The following LY96 variants were observed in gnomAD, a reference collection of about 807,000 sequenced individuals.
LY96 encodes the protein myeloid differentiation protein-2.
LY96 carries 18 observed loss-of-function variants against 18.9 expected under a neutral mutation model. That is an observed-to-expected ratio of 0.95 (90% CI 0.66 to 1.41). LY96 has a LOEUF of 1.41. Among genes scored for constraint, LY96 ranks in the 40% most tolerant of loss-of-function variants. The pLI is 0.00. For missense variants in LY96, 175 were observed against 182.4 expected, an observed-to-expected ratio of 0.96 and a Z score of 0.23; for synonymous variants, 66 against 62.6, an observed-to-expected ratio of 1.06 and a Z score of -0.26.
intron 3 of LY96, among the ~76,000 whole-genome samples, chr8:74,020,264 A>G (rs1416293250): frequency 6.6e-6 from 1 of 152,218 alleles, no homozygotes; most frequent in Non-Finnish European, 1.5e-5. Context: ...AAGCATTCCT[A>G]TACACCAATA....
the LY96 span, among the ~76,000 whole-genome samples, chr8:74,082,494 C>T: frequency 1.3e-5 from 2 of 152,128 alleles, no homozygotes; most frequent in Non-Finnish European, 2.9e-5. Flanking sequence ...GTTATTTAAA[C>T]ACTTTTCTGA....
chr8:74,078,416 A>G, the LY96 span, among the ~76,000 whole-genome samples: 2 of 152,218 alleles, frequency 1.3e-5, no homozygotes, highest in African/African-American at 4.8e-5. Context: ...ACACAGTGTC[A>G]GGTCCTTTAC....
At chr8:74,085,103 G>C in the LY96 span, among the ~76,000 whole-genome samples, 6,791 of 152,272 alleles carry the variant, frequency 0.045, 277 homozygotes, top group African/African-American at 0.11. Context: ...TTTGTATGCA[G>C]CTACTATTAT....
At chr8:74,003,492 C>T (rs946769182) in intron 1 of LY96, among the ~76,000 whole-genome samples, 1 of 152,206 alleles carries the variant, frequency 6.6e-6, no homozygotes, top group Non-Finnish European at 1.5e-5. Context: ...TCAAAAGAGC[C>T]TTGCACTGGT....
intron 3 of LY96, among the ~76,000 whole-genome samples, chr8:74,019,881 T>G (rs1816723829): frequency 1.3e-5 from 2 of 152,158 alleles, no homozygotes; most frequent in Non-Finnish European, 2.9e-5. Flanking sequence ...CCTTTCATGC[T>G]AAAAACTCTC....
chr8:74,002,423 T>C (rs1022420580), intron 1 of LY96, among the ~76,000 whole-genome samples: 32 of 151,986 alleles, frequency 2.1e-4, no homozygotes, highest in Non-Finnish European at 4.0e-4. Flanking sequence ...ATTTTTTCCT[T>C]TTGCTCTTCT....
At chr8:74,096,103 A>G in the LY96 span, among the ~76,000 whole-genome samples, 129 of 152,264 alleles carry the variant, frequency 8.5e-4, no homozygotes, top group Non-Finnish European at 1.6e-3. Flanking sequence ...AAACCCTAAT[A>G]TCTGGAATCT....
chr8:74,070,326 C>G, the LY96 span, among the ~76,000 whole-genome samples: 1 of 151,698 alleles, frequency 6.6e-6, no homozygotes, highest in Non-Finnish European at 1.5e-5. Context: ...CTCCTGACCT[C>G]GTGATCCGCC....
chr8:74,016,435 G>A, intron 3 of LY96, among the ~76,000 whole-genome samples: 1 of 152,212 alleles, frequency 6.6e-6, no homozygotes, highest in East Asian at 1.9e-4. Flanking sequence ...TGGGGGCAGG[G>A]TATAGCTGAA....
At chr8:74,042,590 C>G in the LY96 span, among the ~76,000 whole-genome samples, 2 of 152,086 alleles carry the variant, frequency 1.3e-5, no homozygotes, top group Non-Finnish European at 2.9e-5. Flanking sequence ...TCTTCCAACA[C>G]GAGCATAGCA....
At chr8:74,099,010 T>C in the LY96 span, among the ~76,000 whole-genome samples, 1 of 152,208 alleles carries the variant, frequency 6.6e-6, no homozygotes, top group Non-Finnish European at 1.5e-5. Flanking sequence ...TCAACATGTT[T>C]CTATGACTGG....
At chr8:74,074,777 T>C in the LY96 span, among the ~76,000 whole-genome samples, 3 of 152,350 alleles carry the variant, frequency 2.0e-5, no homozygotes, top group East Asian at 5.8e-4. Context: ...CTAATTTCCA[T>C]GTGTTTGTAT....
the LY96 span, among the ~76,000 whole-genome samples, chr8:74,042,070 C>T: frequency 6.6e-6 from 1 of 152,214 alleles, no homozygotes; most frequent in East Asian, 1.9e-4. Context: ...CTTTATTTCT[C>T]AGCCAGCTGA....
At chr8:74,018,566 A>C (rs1291086211) in intron 3 of LY96, among the ~76,000 whole-genome samples, 4 of 152,252 alleles carry the variant, frequency 2.6e-5, no homozygotes, top group African/African-American at 9.6e-5. Flanking sequence ...TTCTGCACCA[A>C]GCAGACCTAA....
chr8:74,048,700 G>A, the LY96 span: 47,096 of 151,872 alleles, frequency 0.31, 9,618 homozygotes, highest in African/African-American at 0.58. Flanking sequence ...TAGCACATAT[G>A]CTAAAATTGG....
At chr8:74,028,356 T>C (rs1816912253) in intron 4 of LY96, among the ~76,000 whole-genome samples, 1 of 152,236 alleles carries the variant, frequency 6.6e-6, no homozygotes, top group South Asian at 2.1e-4. Context: ...AAAAGTAATT[T>C]GAATGCAAGT....
chr8:74,004,754 T>C (rs368200488), intron 1 of LY96, 42 bp from the exon 2 acceptor site: 18 of 1,487,500 alleles, frequency 1.2e-5, no homozygotes, highest in African/African-American at 2.8e-5. Context: ...TTAATGGAGA[T>C]GATTTGTAGT....
chr8:74,054,617 C>CTTCTTTCCTTCT, the LY96 span, among the ~76,000 whole-genome samples: 6 of 70,098 alleles, frequency 8.6e-5, no homozygotes, highest in Non-Finnish European at 1.6e-4. Flanking sequence ...TTTCCTTTTC[C>CTTCTTTCCTTCT]TTCTTTCTTT....
intron 2 of LY96, among the ~76,000 whole-genome samples, chr8:74,009,274 A>T (rs907877959): frequency 6.6e-6 from 1 of 150,688 alleles, no homozygotes; most frequent in African/African-American, 2.5e-5. Context: ...AGGCGCCTGT[A>T]ATCCCAGCTA....
Sources: gnomAD v4.1 joint callset for allele counts (sites outside exome capture counted in the v4.1 genomes callset) on GRCh38, gnomAD v4.1.1 for gene constraint, MANE v1.5 for transcripts, NCBI Gene and HGNC (gene_info 2026-07-23, HGNC 2026-07-21) for gene names.